The following PCDH15 variants were observed in gnomAD, a reference collection of about 807,000 sequenced individuals.
PCDH15 encodes protocadherin-15.
In PCDH15, 129 loss-of-function variants were observed where a neutral mutation model predicts 178.5. That is an observed-to-expected ratio of 0.72 (90% CI 0.63 to 0.84). The LOEUF (loss-of-function observed/expected upper bound fraction) is 0.84. Ranked by LOEUF, PCDH15 falls within the 40% of genes least tolerant of loss-of-function variation. The pLI, the probability that PCDH15 is intolerant of heterozygous loss-of-function variation, is 0.00. For synonymous variants in PCDH15, 800 were observed against 732.0 expected (o/e 1.09, Z -1.50); for missense variants, 2,230 against 2,099.9 (o/e 1.06, Z -1.21).
At chr10:54,403,683 T>C (rs964765065) in intron 3 of PCDH15, among the ~76,000 whole-genome samples, 5 of 151,818 alleles carry the variant, frequency 3.3e-5, no homozygotes, top group Admixed American at 1.3e-4. Flanking sequence ...GAACTTATAT[T>C]CAGAAACCCT....
chr10:55,624,119 A>T lies in PCDH15; in HGVS notation c.-156+3506T>A, dbSNP rs184859287. Among the ~76,000 whole-genome samples, 317 of 152,134 alleles carry T rather than the reference A, an allele frequency of 2.1e-3. 1 individual carries two copies. Among genetic ancestry groups the T allele is most frequent in the Admixed American group, 3.4e-3 (52 of 15,284 alleles). On this transcript the variant is annotated intron_variant, in intron 2 of 5. Transcript: ENST00000613346. ...TGGCAGAAATTCTGGATGCTCTGTC[A>T]CTATGTGTCAATCTCAATATATCAA...
chr10:54,298,424 C>T (rs538357901), intron 8 of PCDH15, among the ~76,000 whole-genome samples: 1 of 152,150 alleles, frequency 6.6e-6, no homozygotes, highest in Admixed American at 6.5e-5. Context: ...TAGTCATGGC[C>T]CTCAGACAAA....
At chr10:54,208,444 T>C (rs2051055913) in intron 10 of PCDH15, among the ~76,000 whole-genome samples, 4 of 152,010 alleles carry the variant, frequency 2.6e-5, no homozygotes, top group South Asian at 4.1e-4. Flanking sequence ...GTCATGAGAA[T>C]AGAGGTCTCA....
At chr10:55,252,022 C>G (rs16907173) in intron 1 of PCDH15, among the ~76,000 whole-genome samples, 15,457 of 152,186 alleles carry the variant, frequency 0.1, 814 homozygotes, top group African/African-American at 0.14. Context: ...CAGAAAGCAA[C>G]ATAAGGGAGA....
intron 14 of PCDH15, among the ~76,000 whole-genome samples, chr10:54,145,518 A>C (rs983699283): frequency 1.3e-5 from 2 of 152,156 alleles, no homozygotes. Context: ...ACATATAGAA[A>C]TCTACAAGAG....
chr10:54,092,983 T>G (rs1370887399), intron 15 of PCDH15, among the ~76,000 whole-genome samples: 1 of 152,170 alleles, frequency 6.6e-6, no homozygotes, highest in Non-Finnish European at 1.5e-5. Context: ...ACAAGATAGC[T>G]TCATGTAAAC....
At chr10:54,804,126 G>A (rs192324732), upstream of PCDH15, among the ~76,000 whole-genome samples, 1,097 of 151,890 alleles carry the variant, frequency 7.2e-3, 16 homozygotes, top group African/African-American at 0.025. Flanking sequence ...TGCAAGCTCC[G>A]CCTCCTGGGT....
chr10:54,050,544 G>C (rs1403312672), intron 18 of PCDH15, among the ~76,000 whole-genome samples: 1 of 151,858 alleles, frequency 6.6e-6, no homozygotes, highest in Non-Finnish European at 1.5e-5. Flanking sequence ...TATAGATTTT[G>C]GGGCCTCAAT....
chr10:53,853,721 A>T (rs941991372), intron 28 of PCDH15, among the ~76,000 whole-genome samples: 1 of 152,046 alleles, frequency 6.6e-6, no homozygotes, highest in African/African-American at 2.4e-5. Flanking sequence ...ATGATATATC[A>T]TCTCACACAT....
intron 3 of PCDH15, among the ~76,000 whole-genome samples, chr10:54,822,233 T>G (rs1444394184): frequency 6.6e-6 from 1 of 152,198 alleles, no homozygotes; most frequent in East Asian, 1.9e-4. Flanking sequence ...ATTGCCCTTC[T>G]GTGTCACTGT....
intron 2 of PCDH15, among the ~76,000 whole-genome samples, chr10:54,984,230 C>A (rs944525442): frequency 1.3e-5 from 2 of 152,138 alleles, no homozygotes; most frequent in Admixed American, 1.3e-4. Context: ...CCCCTGTTTT[C>A]CTCTTCTCCC....
intron 2 of PCDH15, among the ~76,000 whole-genome samples, chr10:55,499,276 C>A (rs184902154): frequency 2.0e-5 from 3 of 151,722 alleles, no homozygotes; most frequent in African/African-American, 4.8e-5. Context: ...AAAACTAATA[C>A]AATTTTCATA....
chr10:55,573,511 G>A (rs1842444619), intron 2 of PCDH15, among the ~76,000 whole-genome samples: 1 of 151,940 alleles, frequency 6.6e-6, no homozygotes, highest in Non-Finnish European at 1.5e-5. Context: ...TTGTATATTA[G>A]GGAATTCTGT....
chr10:54,066,540 AAT>A (rs2094140016), intron 18 of PCDH15, among the ~76,000 whole-genome samples: 2 of 152,344 alleles, frequency 1.3e-5, no homozygotes, highest in East Asian at 1.9e-4. Context: ...CACATTAATC[AAT>A]GTTTAAATTA....
intron 15 of PCDH15, among the ~76,000 whole-genome samples, chr10:54,131,501 G>A (rs1180528432): frequency 6.6e-6 from 1 of 151,810 alleles, no homozygotes; most frequent in Non-Finnish European, 1.5e-5. Context: ...TAAAGAGACT[G>A]TAGGTTTTAT....
At chr10:54,594,572 T>A (rs575740626) in intron 2 of PCDH15, among the ~76,000 whole-genome samples, 1 of 152,230 alleles carries the variant, frequency 6.6e-6, no homozygotes, top group East Asian at 1.9e-4. Flanking sequence ...TGTATACATA[T>A]AAGACTGCCC....
rs534317848 is a variant in PCDH15 at position 55,293,567 on chromosome 10, C to T, written c.-156+26032G>A. 6.6e-5 allele frequency among the ~76,000 whole-genome samples: 10 copies of T among 152,346 alleles called. No homozygotes were observed. In the South Asian group the frequency reaches 1.9e-3, roughly 28 times the overall value. Reference sequence around the variant, plus strand: ...AATGCCTTTAACAGCACCCAAGTCACATCTTGAACACTTTGCTGCTTAGAA... The same window carrying T: ...AATGCCTTTAACAGCACCCAAGTCATATCTTGAACACTTTGCTGCTTAGAA... On this transcript the variant is annotated intron_variant, in intron 1 of 5. Coordinates refer to the PCDH15 transcript ENST00000458638.
intron 25 of PCDH15, among the ~76,000 whole-genome samples, chr10:53,924,246 G>T (rs1470479308): frequency 6.6e-6 from 1 of 152,206 alleles, no homozygotes; most frequent in Non-Finnish European, 1.5e-5. Context: ...GTTCCGGTGG[G>T]CATGGGCTTG....
intron 2 of PCDH15, among the ~76,000 whole-genome samples, chr10:54,552,167 T>G (rs1405606442): frequency 6.6e-6 from 1 of 152,144 alleles, no homozygotes; most frequent in Non-Finnish European, 1.5e-5. Context: ...TGCCTTATAT[T>G]CAACATTACA....
Sources: allele counts gnomAD v4.1 joint callset (sites outside exome capture counted in the v4.1 genomes callset), GRCh38; gene constraint gnomAD v4.1.1; transcripts MANE v1.5; gene names NCBI Gene and HGNC (gene_info 2026-07-23, HGNC 2026-07-21).